MOSPD2: variants seen among roughly 807,000 people sequenced by gnomAD.
MOSPD2 encodes motile sperm domain-containing protein 2.
Under a neutral mutation model 41.7 loss-of-function variants are expected in MOSPD2, and 5 were observed. The ratio of observed to expected loss-of-function variants is 0.12; its 90% CI spans 0.06 to 0.25. The LOEUF is 0.25. Ranked by LOEUF, MOSPD2 falls within the 10% of genes least tolerant of loss-of-function variation. The pLI, the probability that MOSPD2 is intolerant of heterozygous loss-of-function variation, is 1.00. For synonymous variants in MOSPD2, 115 were observed against 126.9 expected (o/e 0.91, Z 0.63); for missense variants, 282 against 375.2 (o/e 0.75, Z 2.05).
Position 14,873,676 on chromosome X carries a change from G to A in MOSPD2, c.10-13G>A, listed in dbSNP as rs758647077. On this transcript the variant is annotated splice_polypyrimidine_tract_variant and intron_variant, in intron 1 of 14. Transcript: ENST00000380492. ...CAAGTAGTATCTAAGGTCCCATCGT[G>A]TCTCCCATCCAGAATCACGCCCAGA... is the stretch of plus-strand genomic sequence containing the variant. 1.7e-6 allele frequency: 2 copies of A among 1,209,571 alleles called. No individual in the cohort carries two copies. Among genetic ancestry groups the A allele is most frequent in the Non-Finnish European group, 2.2e-6 (2 of 893,465 alleles).
chrX:14,881,030 C>T (rs982442574), intron 2 of MOSPD2, among the ~76,000 whole-genome samples: 4 of 110,961 alleles, frequency 3.6e-5, no homozygotes, highest in African/African-American at 1.3e-4. Flanking sequence ...TCACCACTCC[C>T]CCAATTTGTT....
intron 12 of MOSPD2, 28 bp from the exon 13 acceptor site, chrX:14,916,169 T>C: frequency 8.3e-7 from 1 of 1,211,101 alleles, no homozygotes; most frequent in African/African-American, 1.7e-5. Context: ...TTCCTGTTTA[T>C]ATGCTGAATT....
chrX:14,903,094 G>C, intron 7 of MOSPD2, 90 bp downstream of exon 7: 3 of 601,433 alleles, frequency 5.0e-6, no homozygotes, highest in Non-Finnish European at 8.1e-6. Context: ...TTAAAATAAT[G>C]TTTATATTGT....
At position 14,896,958 on chromosome X, in the gene MOSPD2, G is replaced by C. The variant is rs72614579; in HGVS notation, c.323-126G>C. ...ACAGTTTCTCATTGAAAATAAGAAA[G>C]AGATGTTTTTGATCTAAGAAATAAA... is the stretch of plus-strand genomic sequence containing the variant. On this transcript the variant is annotated intron_variant, in intron 4 of 14. Transcript: ENST00000380492. The C allele has an allele frequency of 5.7e-6, 3 of 522,600 alleles. No individual in the cohort carries two copies. In the East Asian group the frequency reaches 1.2e-4, roughly 22 times the overall value. 43.1% of individuals were successfully genotyped at this position (522,600 alleles called of 1,213,427 possible).
rs1227543493 is a variant in MOSPD2 at position 14,920,088 on chromosome X, C to T, written c.*279C>T. The T allele has an allele frequency of 1.3e-6, 1 of 745,615 alleles. No homozygotes were observed. Among genetic ancestry groups the T allele is most frequent in the East Asian group, 9.9e-5 (1 of 10,055 alleles). 61.4% of individuals were successfully genotyped at this position (745,615 alleles called of 1,213,427 possible). A position where few individuals can be genotyped will look rare whatever the true frequency, so the allele number is the denominator to read the frequency against. On this transcript the variant is annotated 3_prime_UTR_variant, in exon 15 of 15. Coordinates refer to ENST00000380492, the MANE Select transcript of MOSPD2 (RefSeq NM_152581.4). ...TAGTTTAAATATAATTTATTTTTTCCTTTTGATCTGAATACTTTTAAAGCT... is the reference window on the plus strand; with the variant it reads ...TAGTTTAAATATAATTTATTTTTTCTTTTTGATCTGAATACTTTTAAAGCT...
At chrX:14,903,112 A>G (rs748867343) in intron 7 of MOSPD2, 108 bp downstream of exon 7, 1 of 530,791 alleles carries the variant, frequency 1.9e-6, no homozygotes, top group Admixed American at 3.2e-5. Context: ...TGTCCTTTGC[A>G]TGCTCTCTTA....
rs138708860 is a variant in MOSPD2, at chrX:14,918,276, A to G, written c.1317-404A>G. Among the ~76,000 whole-genome samples, 564 of 111,716 alleles carry G rather than the reference A, an allele frequency of 5.0e-3. 7 individuals are homozygous for G. Among genetic ancestry groups the G allele is most frequent in the African/African-American group, 0.017 (526 of 30,733 alleles). ...CCAATTACTGATGGCTTGCTTTTCT[A>G]TAACTGTGAGAGGAGATCACTGTTC... On this transcript the variant is annotated intron_variant, in intron 13 of 14. Transcript: ENST00000380492.
rs1322341699 is a variant in MOSPD2, at chrX:14,921,939, G to T, written c.*2130G>T. On this transcript the variant is annotated 3_prime_UTR_variant, in exon 15 of 15. Coordinates refer to ENST00000380492, the MANE Select transcript of MOSPD2 (RefSeq NM_152581.4). ...AACCAACATTTAGATTTAGATATTT[G>T]TTTTCACTTAGGAATGGAAATTAAT... 1 of 110,985 alleles carries T rather than the reference G, an allele frequency of 9.0e-6. No homozygotes were observed. The highest frequency in any genetic ancestry group is 3.3e-5 in the African/African-American group (1 of 30,576). 9.1% of individuals were successfully genotyped at this position (110,985 alleles called of 1,213,427 possible).
At chrX:14,889,511 A>G (rs1358500682) in intron 2 of MOSPD2, among the ~76,000 whole-genome samples, 1 of 106,979 alleles carries the variant, frequency 9.3e-6, no homozygotes, top group East Asian at 2.9e-4. Context: ...GTCTCATTCT[A>G]TCTGTCTCTC....
chrX:14,882,807 CTTTT>C (rs745639177), intron 2 of MOSPD2, among the ~76,000 whole-genome samples: 1 of 98,183 alleles, frequency 1.0e-5, no homozygotes, highest in Admixed American at 1.1e-4. Flanking sequence ...TTTTCTTTTT[CTTTT>C]TTTTTTTTTT....
intron 2 of MOSPD2, among the ~76,000 whole-genome samples, chrX:14,876,319 T>C (rs756126667): frequency 8.9e-6 from 1 of 112,312 alleles, no homozygotes; most frequent in East Asian, 2.8e-4. Flanking sequence ...ATATTTTGTT[T>C]CAGAAGAGGC....
intron 2 of MOSPD2, among the ~76,000 whole-genome samples, chrX:14,888,922 C>A (rs754002468): frequency 9.0e-6 from 1 of 111,348 alleles, no homozygotes; most frequent in Non-Finnish European, 1.9e-5. Flanking sequence ...AGTCTTAGTC[C>A]GTTTGTCTTG....
At position 14,922,151 on chromosome X, in the gene MOSPD2, A is replaced by G. The variant is rs1002864014; in HGVS notation, c.*2342A>G. On this transcript the variant is annotated 3_prime_UTR_variant, in exon 15 of 15. Transcript: ENST00000380492. The stretch of plus-strand genomic sequence containing the variant: ...CTACAAAAAAAAATATATTCCTAGA[A>G]TTGTTGCCAGTGTAATTTCTCTAAT... 4 of 111,533 alleles carry G rather than the reference A, an allele frequency of 3.6e-5. No individual in the cohort carries two copies. The highest frequency in any genetic ancestry group is 7.5e-5 in the Non-Finnish European group (4 of 53,130). 9.2% of individuals were successfully genotyped at this position (111,533 alleles called of 1,213,427 possible).
chrX:14,917,278 A>G (rs1397229651), intron 13 of MOSPD2, among the ~76,000 whole-genome samples: 1 of 112,367 alleles, frequency 8.9e-6, no homozygotes, highest in Non-Finnish European at 1.9e-5. Context: ...AGCCACATAG[A>G]TAACTGGACA....
At chrX:14,891,188 C>T (rs2092552907) in intron 2 of MOSPD2, among the ~76,000 whole-genome samples, 2 of 112,126 alleles carry the variant, frequency 1.8e-5, no homozygotes, top group South Asian at 7.3e-4. Flanking sequence ...TTGCACCAAC[C>T]TAATACTTCT....
rs1322030330 is a variant in MOSPD2, at chrX:14,908,993, T to G, written c.702+9T>G. On this transcript the variant is annotated intron_variant, in intron 8 of 14. Transcript: ENST00000380492. ...CCCACATGGGTGGAACTGTAAGTAT[T>G]TGAAACTTGTTTATAAAACAATACT... 3 of 1,128,901 alleles carry G rather than the reference T, an allele frequency of 2.7e-6. No individual in the cohort carries two copies. Among genetic ancestry groups the G allele is most frequent in the Non-Finnish European group, 3.6e-6 (3 of 842,796 alleles). 93.0% of individuals were successfully genotyped at this position (1,128,901 alleles called of 1,213,427 possible).
intron 6 of MOSPD2, among the ~76,000 whole-genome samples, chrX:14,901,284 A>T (rs143340671): frequency 9.0e-6 from 1 of 111,251 alleles, no homozygotes; most frequent in Non-Finnish European, 1.9e-5. Context: ...CGAGATGCCA[A>T]CTCACATAAA....
At chrX:14,913,770 A>G (rs2092595695) in intron 10 of MOSPD2, among the ~76,000 whole-genome samples, 1 of 112,346 alleles carries the variant, frequency 8.9e-6, no homozygotes, top group African/African-American at 3.2e-5. Flanking sequence ...ACCTTTTTAT[A>G]TAAAACAAAA....
intron 10 of MOSPD2, 85 bp from the exon 11 acceptor site, chrX:14,914,418 A>AC (rs1569106756): frequency 7.0e-6 from 4 of 574,363 alleles, no homozygotes; most frequent in Non-Finnish European, 1.1e-5. Context: ...TAAGATATTA[A>AC]CTAAATATTT....
Sources: allele counts gnomAD v4.1 joint callset (sites outside exome capture counted in the v4.1 genomes callset), GRCh38; gene constraint gnomAD v4.1.1; transcripts MANE v1.5; gene names NCBI Gene and HGNC (gene_info 2026-07-23, HGNC 2026-07-21).